Variants in CDH22 observed in about 807,000 individuals in gnomAD.
CDH22 encodes the protein cadherin 22.
Under a neutral mutation model 58.4 loss-of-function variants are expected in CDH22, and 30 were observed. The observed-to-expected ratio is 0.51, with a 90% CI of 0.38 to 0.70. The LOEUF (loss-of-function observed/expected upper bound fraction) is 0.70, where lower values mean the gene tolerates loss of function less well. Ranked by LOEUF, CDH22 falls within the 30% of genes least tolerant of loss-of-function variation. CDH22 has a pLI of 0.00. For missense variants in CDH22, 1,014 were observed against 1,233.9 expected, an observed-to-expected ratio of 0.82 and a Z score of 2.67; for synonymous variants, 513 against 558.2, an observed-to-expected ratio of 0.92 and a Z score of 1.14.
At chr20:46,256,782 C>T (rs1018347217) in intron 1 of CDH22, among the ~76,000 whole-genome samples, 1 of 151,886 alleles carries the variant, frequency 6.6e-6, no homozygotes, top group Non-Finnish European at 1.5e-5. Flanking sequence ...AGGAAGATTC[C>T]TTGAGGCCAG....
At chr20:46,192,889 C>A (rs1001722235) in intron 8 of CDH22, among the ~76,000 whole-genome samples, 4 of 151,960 alleles carry the variant, frequency 2.6e-5, no homozygotes, top group African/African-American at 9.7e-5. Flanking sequence ...GAAGCGAACT[C>A]CTTGCACTCC....
rs1039017096 is a variant in CDH22 at position 46,300,723 on chromosome 20, G to A, written c.-400+7532C>T. ...CCAGGGACCCCCCAGTCCCCTCTTC[G>A]CTGGCCCCAAGGGGCTTCTACTTGA... is the stretch of plus-strand genomic sequence containing the variant. On this transcript the variant is annotated intron_variant, in intron 1 of 11. Coordinates refer to ENST00000537909, the MANE Select transcript of CDH22 (RefSeq NM_021248.3). The surrounding 1 kb of genome is among the most constrained non-coding windows in gnomAD (Gnocchi z 4.4). Among the ~76,000 whole-genome samples the A allele has an allele frequency of 9.9e-5, 15 of 152,148 alleles. No individual in the cohort carries two copies. The highest frequency in any genetic ancestry group is 3.4e-4 in the African/African-American group (14 of 41,428).
chr20:46,185,270 C>G (rs192123027), intron 10 of CDH22, among the ~76,000 whole-genome samples: 3 of 152,094 alleles, frequency 2.0e-5, no homozygotes, highest in African/African-American at 4.8e-5. Context: ...GTGACTGCCC[C>G]CTTCCCTCAG....
chr20:46,291,467 G>T (rs2086602397), intron 1 of CDH22, among the ~76,000 whole-genome samples: 1 of 152,206 alleles, frequency 6.6e-6, no homozygotes, highest in Non-Finnish European at 1.5e-5. Flanking sequence ...TGGAGGCAAA[G>T]GGGTCAGGTA....
chr20:46,193,028 GA>G (rs1373056419), intron 8 of CDH22, among the ~76,000 whole-genome samples: 1 of 152,020 alleles, frequency 6.6e-6, no homozygotes. Flanking sequence ...TTATTGGGGG[GA>G]CGTTTATTCC....
At chr20:46,273,880 C>A (rs2086504623) in intron 1 of CDH22, among the ~76,000 whole-genome samples, 1 of 152,146 alleles carries the variant, frequency 6.6e-6, no homozygotes, top group Admixed American at 6.5e-5. Flanking sequence ...GGGAAAGGGG[C>A]CAAGGAAGGC....
At chr20:46,184,480 C>A (rs1274897339) in intron 10 of CDH22, among the ~76,000 whole-genome samples, 1 of 152,144 alleles carries the variant, frequency 6.6e-6, no homozygotes, top group Non-Finnish European at 1.5e-5. Flanking sequence ...TAGGGTTGAA[C>A]AAAGTCAAGT....
chr20:46,293,391 C>A (rs926141861), intron 1 of CDH22, among the ~76,000 whole-genome samples: 1 of 152,198 alleles, frequency 6.6e-6, no homozygotes, highest in Non-Finnish European at 1.5e-5. Context: ...GGCCTTGCTT[C>A]TTCCATTTTT....
chr20:46,237,396 C>T (rs2086261050), intron 3 of CDH22, among the ~76,000 whole-genome samples: 1 of 152,142 alleles, frequency 6.6e-6, no homozygotes, highest in Admixed American at 6.5e-5. Flanking sequence ...TCCCAAGCTG[C>T]GTCCCTGCTC....
intron 1 of CDH22, among the ~76,000 whole-genome samples, chr20:46,264,586 G>T (rs544852022): frequency 1.3e-5 from 2 of 152,116 alleles, no homozygotes; most frequent in East Asian, 1.9e-4. Flanking sequence ...CTTGCCCAAG[G>T]TCACACAGCT....
chr20:46,174,107 C>T lies in CDH22; in HGVS notation c.*399G>A, dbSNP rs1294709214. The T allele has an allele frequency of 8.3e-6, 2 of 240,906 alleles. No individual in the cohort carries two copies. Among genetic ancestry groups the T allele is most frequent in the Non-Finnish European group, 1.6e-5 (2 of 126,878 alleles). The allele number at this position is 240,906 out of a possible 1,614,324, so 14.9% of individuals were successfully genotyped here. A position where few individuals can be genotyped will look rare whatever the true frequency, so the allele number is the denominator to read the frequency against. The stretch of plus-strand genomic sequence containing the variant: ...AGGTGCTTAGTAAGTGAACAGCCTT[C>T]TTTCCTCTTAACTCTGATGGGGGAA... On this transcript the variant is annotated 3_prime_UTR_variant, in exon 12 of 12. Transcript: ENST00000537909. This position sits in a 1 kb window ranked among gnomAD's most constrained non-coding sequence, Gnocchi z 4.4.
At chr20:46,274,999 G>A (rs1310619055) in intron 1 of CDH22, among the ~76,000 whole-genome samples, 1 of 152,190 alleles carries the variant, frequency 6.6e-6, no homozygotes, top group Non-Finnish European at 1.5e-5. Flanking sequence ...TGAAAGGAAT[G>A]TTCTGCAACT....
rs1274088090 is a variant in CDH22, at chr20:46,241,270, A to G, written c.256-13T>C. The G allele has an allele frequency of 6.3e-7, 1 of 1,575,792 alleles. No individual in the cohort carries two copies. The highest frequency in any genetic ancestry group is 8.6e-7 in the Non-Finnish European group (1 of 1,157,202). On this transcript the variant is annotated splice_polypyrimidine_tract_variant and intron_variant, in intron 2 of 11. Coordinates refer to ENST00000537909, the MANE Select transcript of CDH22 (RefSeq NM_021248.3). This position sits in a 1 kb window ranked among gnomAD's most constrained non-coding sequence, Gnocchi z 5.2. ...AGTCGGAGTGGATCTGGGTAGGCAG[A>G]GAAGAAGGCAAGGTGGAGGCTGAGA... is the stretch of plus-strand genomic sequence containing the variant.
intron 1 of CDH22, among the ~76,000 whole-genome samples, chr20:46,261,443 G>GTGAA (rs1194763859): frequency 3.9e-5 from 6 of 152,226 alleles, no homozygotes; most frequent in Non-Finnish European, 8.8e-5. Context: ...GTCAAGAAGA[G>GTGAA]TGAAGAGTTG....
intron 1 of CDH22, among the ~76,000 whole-genome samples, chr20:46,289,249 T>C (rs963468458): frequency 2.6e-5 from 4 of 152,134 alleles, no homozygotes; most frequent in African/African-American, 9.7e-5. Flanking sequence ...CCCATGCACC[T>C]TTCCCTTACA....
intron 1 of CDH22, among the ~76,000 whole-genome samples, chr20:46,303,179 A>T (rs183095660): frequency 1.5e-4 from 23 of 152,086 alleles, no homozygotes; most frequent in Admixed American, 2.6e-4. Context: ...CACTCCCTGA[A>T]CCCCAACCTC....
chr20:46,199,796 T>C (rs1041447334), intron 7 of CDH22, among the ~76,000 whole-genome samples: 1 of 152,066 alleles, frequency 6.6e-6, no homozygotes, highest in African/African-American at 2.4e-5. Context: ...GTTTCCTCAG[T>C]TGGAATGGAG....
intron 7 of CDH22, among the ~76,000 whole-genome samples, chr20:46,200,187 G>T (rs987608050): frequency 1.1e-4 from 17 of 151,680 alleles, no homozygotes; most frequent in South Asian, 4.2e-4. Context: ...TGTTAGCCAG[G>T]ATGGTCTTGA....
intron 2 of CDH22, among the ~76,000 whole-genome samples, chr20:46,246,619 G>C (rs1160649813): frequency 6.6e-6 from 1 of 152,188 alleles, no homozygotes; most frequent in Admixed American, 6.5e-5. Flanking sequence ...CAGGGCCGCG[G>C]AAGGAGCTGT....
Sources: allele counts gnomAD v4.1 joint callset (sites outside exome capture counted in the v4.1 genomes callset), GRCh38; gene constraint gnomAD v4.1.1; non-coding constraint Gnocchi (gnomAD v3.1); transcripts MANE v1.5; gene names NCBI Gene and HGNC (gene_info 2026-07-23, HGNC 2026-07-21).